The following INF2 variants were observed in gnomAD, a reference collection of about 807,000 sequenced individuals.
INF2 encodes inverted formin-2.
Under a neutral mutation model 123.5 loss-of-function variants are expected in INF2, and 43 were observed. The ratio of observed to expected loss-of-function variants is 0.35; its 90% CI spans 0.27 to 0.45. INF2 has a LOEUF of 0.45. Ranked by LOEUF, INF2 falls within the 20% of genes least tolerant of loss-of-function variation. The probability of loss-of-function intolerance (pLI) is 1.00; values close to 1 mark genes in which losing one functional copy is unlikely to be tolerated. For synonymous variants in INF2, 851 were observed against 745.0 expected, an observed-to-expected ratio of 1.14 and a Z score of -2.32; for missense variants, 1,453 against 1,682.7, an observed-to-expected ratio of 0.86 and a Z score of 2.39.
chr14:104,701,902 G>A (rs1889528221), intron 2 of INF2, 146 bp downstream of exon 2: 2 of 871,650 alleles, frequency 2.3e-6, no homozygotes, highest in Non-Finnish European at 3.4e-6. Flanking sequence ...AGGAGGACTG[G>A]CTTCCTGGGC....
chr14:104,714,177 C>G, intron 20 of INF2, 26 bp from the exon 21 acceptor site: 2 of 1,474,432 alleles, frequency 1.4e-6, no homozygotes, highest in Non-Finnish European at 1.8e-6. Context: ...GGTGCCTGCC[C>G]TTCACTGGTG....
chr14:104,704,323 G>C lies in INF2; in HGVS notation c.701+374G>C, dbSNP rs563754491. 42 of 497,184 alleles carry C rather than the reference G, an allele frequency of 8.4e-5. 1 individual carries two copies. The South Asian group carries it at 1.1e-3, about 14-fold the overall frequency. The allele number at this position is 497,184 out of a possible 1,614,324, so 30.8% of individuals were successfully genotyped here. On this transcript the variant is annotated intron_variant, in intron 5 of 22. Transcript: ENST00000392634. ...TCACGTGGACGCAAGATGGAGACAG[G>C]GACACGGGCTCCAGGGCGAGAGTTG...
At position 104,713,613 on chromosome 14, in the gene INF2, C is replaced by G; in HGVS notation, c.3040+7C>G. 1.9e-6 allele frequency: 3 copies of G among 1,611,708 alleles called. No individual in the cohort carries two copies. Among genetic ancestry groups the G allele is most frequent in the Non-Finnish European group, 2.5e-6 (3 of 1,179,196 alleles). ...CCAAGAGCCACAGAGCCTGGTAAGA[C>G]CCTCTCCCACTGCCTCCTCATGGTC... On this transcript the variant is annotated splice_region_variant and intron_variant, in intron 20 of 22. Transcript: ENST00000392634.
intron 2 of INF2, among the ~76,000 whole-genome samples, chr14:104,702,165 C>T (rs575315566): frequency 1.3e-3 from 192 of 152,300 alleles, no homozygotes; most frequent in African/African-American, 4.5e-3. Context: ...GCTCCAAGCC[C>T]TTCAGCCTCA....
upstream of INF2, among the ~76,000 whole-genome samples, chr14:104,688,361 G>A (rs534189189): frequency 2.0e-4 from 30 of 152,344 alleles, 1 homozygote; most frequent in East Asian, 5.4e-3. Flanking sequence ...CCGGAGCGGA[G>A]GCACACCAAA....
At chr14:104,693,095 T>A (rs1566773114) in intron 1 of INF2, among the ~76,000 whole-genome samples, 1 of 152,194 alleles carries the variant, frequency 6.6e-6, no homozygotes, top group South Asian at 2.1e-4. Context: ...TGGCCGCCGA[T>A]CAAGGCCTTT....
chr14:104,717,972 G>A (rs970209488), intron 22 of INF2, among the ~76,000 whole-genome samples: 3 of 152,190 alleles, frequency 2.0e-5, no homozygotes, highest in Admixed American at 6.5e-5. Flanking sequence ...CGGGGGCCCT[G>A]AGCGCTTCCC....
Position 104,706,051 on chromosome 14 carries a change from G to C in INF2, c.718G>C (p.Asp240His). The stretch of plus-strand genomic sequence containing the variant: ...CCTGCACAGAGACCTGGAGGATGCC[G>C]ACCTGCTGATCCAGCTGGAGGCTTT... ...LARLRDLEDA[D>H]LLIQLEAFEE... Residue 240 changes from aspartate (D) to histidine (H), a missense_variant, in exon 6 of 23, where the codon GAC becomes CAC. This residue lies in a region of INF2 where 251 missense variants were observed against 349.4 expected (regional missense o/e 0.72). Coordinates refer to ENST00000392634, the MANE Select transcript of INF2 (RefSeq NM_022489.4). 1 of 1,612,198 alleles carries C rather than the reference G, an allele frequency of 6.2e-7. No individual in the cohort carries two copies. Among genetic ancestry groups the C allele is most frequent in the Non-Finnish European group, 8.5e-7 (1 of 1,179,642 alleles).
At chr14:104,717,857 G>A (rs1370186162) in intron 22 of INF2, among the ~76,000 whole-genome samples, 2 of 152,004 alleles carry the variant, frequency 1.3e-5, no homozygotes, top group Admixed American at 6.5e-5. Flanking sequence ...TGTGTTCGCC[G>A]CCCCTCGTCC....
intron 5 of INF2, 98 bp from the exon 6 acceptor site, chr14:104,705,937 C>T (rs1889759741): frequency 1.4e-6 from 2 of 1,464,728 alleles, no homozygotes; most frequent in Non-Finnish European, 1.9e-6. Flanking sequence ...CCCAGGTGGG[C>T]TGAGCGGGGC....
intron 22 of INF2, among the ~76,000 whole-genome samples, chr14:104,716,515 G>A (rs80258245): frequency 7.2e-5 from 11 of 152,290 alleles, no homozygotes; most frequent in African/African-American, 1.9e-4. Context: ...GGTCTGGGGC[G>A]GGCGGCCACA....
rs534838739 is a variant in INF2, at chr14:104,719,622, C to G, written c.*829C>G. The G allele has an allele frequency of 1.2e-4, 18 of 152,444 alleles. No homozygotes were observed. The highest frequency in any genetic ancestry group is 2.6e-4 in the Admixed American group (4 of 15,314). The allele number at this position is 152,444 out of a possible 1,614,324, so 9.4% of individuals were successfully genotyped here. On this transcript the variant is annotated 3_prime_UTR_variant, in exon 23 of 23. Coordinates refer to ENST00000392634, the MANE Select transcript of INF2 (RefSeq NM_022489.4). ...CAGACCTAGCCCGGTGTGCGACTGT[C>G]GTGTTCAGAGGCTGCGGGAGTGGGC...
Position 104,711,679 on chromosome 14 carries a change from A to G in INF2, c.2469A>G (p.Glu823=), listed in dbSNP as rs2140685910. The part of the protein sequence containing the change: ...PDLLQLPRDL[E]QPSQAAGINL... ...TCCTGCAGCTGCCCCGGGACCTGGA[A>G]CAGCCCTCGCAAGCAGCAGGGTAGG... The change falls in exon 16 of 23, where the codon GAA becomes GAG. Residue 823 remains glutamate (E), a synonymous_variant. Coordinates refer to ENST00000392634, the MANE Select transcript of INF2 (RefSeq NM_022489.4). 1 of 1,612,402 alleles carries G rather than the reference A, an allele frequency of 6.2e-7. No individual in the cohort carries two copies. Among genetic ancestry groups the G allele is most frequent in the Non-Finnish European group, 8.5e-7 (1 of 1,179,688 alleles).
chr14:104,701,602 G>A lies in INF2; in HGVS notation c.237G>A (p.Glu79=), dbSNP rs781088811. 16 of 1,605,622 alleles carry A rather than the reference G, an allele frequency of 1.0e-5. No individual in the cohort carries two copies. The highest frequency in any genetic ancestry group is 3.3e-4 in the Middle Eastern group (2 of 6,044). The change falls in exon 2 of 23, where the codon GAG becomes GAA. Residue 79 remains glutamate (E), a synonymous_variant. Transcript: ENST00000392634. ...LEQSGLDLLL[E]ALARLSGRGV... ...AGAGCGGCCTGGACCTGCTGCTGGA[G>A]GCGCTGGCGCGGCTGTCGGGCCGCG... is the stretch of plus-strand genomic sequence containing the variant.
chr14:104,698,904 T>C (rs1021576596), intron 1 of INF2, among the ~76,000 whole-genome samples: 21 of 152,260 alleles, frequency 1.4e-4, no homozygotes, highest in Admixed American at 1.4e-3. Flanking sequence ...CACGGCCAGC[T>C]GGGGCAGCTC....
Position 104,707,525 on chromosome 14 carries a change from A to ACCCCCCCCCCCCCCCCCCCCCCCCC in INF2, c.1262_1263insCCCCCCCCCCCCCCCCCCCCCCCCC (p.Leu429ProfsTer32). 1.5e-6 allele frequency: 2 copies of ACCCCCCCCCCCCCCCCCCCCCCCCC among 1,379,272 alleles called. No individual in the cohort carries two copies. The highest frequency in any genetic ancestry group is 9.5e-7 in the Non-Finnish European group (1 of 1,047,166). 85.4% of individuals were successfully genotyped at this position (1,379,272 alleles called of 1,614,324 possible). A position where few individuals can be genotyped will look rare whatever the true frequency, so the allele number is the denominator to read the frequency against. ...CAGAGCCCTGGAGCAGCAGGCGTCC[A>ACCCCCCCCCCCCCCCCCCCCCCCCC]CCCCACCCCCACCCCCACCCCCACC... On this transcript the variant is annotated frameshift_variant, in exon 8 of 23. Transcript: ENST00000392634. LOFTEE classifies it high-confidence loss of function.
At chr14:104,711,497 T>A in intron 15 of INF2, 132 bp from the exon 16 acceptor site, 1 of 808,334 alleles carries the variant, frequency 1.2e-6, no homozygotes, top group Non-Finnish European at 2.1e-6. Flanking sequence ...AGGGAAAGAT[T>A]TGAGGGTCTG....
intron 12 of INF2, among the ~76,000 whole-genome samples, 172 bp downstream of exon 12, chr14:104,709,877 C>T (rs1032828091): frequency 1.3e-5 from 2 of 152,230 alleles, no homozygotes; most frequent in Admixed American, 6.5e-5. Flanking sequence ...GCCCCACCCC[C>T]AGTCCTTCCC....
rs554620962 is a variant in INF2, at chr14:104,703,529, G to A, written c.667+75G>A. On this transcript the variant is annotated intron_variant, in intron 4 of 22. Coordinates refer to ENST00000392634, the MANE Select transcript of INF2 (RefSeq NM_022489.4). ...AGTGCATCCCATGCTGCATCCACCTGGGGAGGTGGGAGCGCCACAAAAGCT... is the reference window on the plus strand; with the variant it reads ...AGTGCATCCCATGCTGCATCCACCTAGGGAGGTGGGAGCGCCACAAAAGCT... 1.6e-5 allele frequency: 25 copies of A among 1,574,096 alleles called. 1 individual carries two copies. In the Admixed American group the frequency reaches 4.2e-4, roughly 26 times the overall value.
Sources: allele counts gnomAD v4.1 joint callset (sites outside exome capture counted in the v4.1 genomes callset), GRCh38; gene constraint gnomAD v4.1.1; regional missense constraint gnomAD v4.1.1; transcripts MANE v1.5; gene names NCBI Gene and HGNC (gene_info 2026-07-23, HGNC 2026-07-21).